NF1: variants seen among roughly 807,000 people sequenced by gnomAD.
NF1 encodes the protein neurofibromin 1.
In NF1, 122 loss-of-function variants were observed where a neutral mutation model predicts 325.7. That is an observed-to-expected ratio of 0.37 (90% confidence interval 0.32 to 0.44). The LOEUF is 0.44. Ranked by LOEUF, NF1 falls within the 20% of genes least tolerant of loss-of-function variation. The pLI, the probability that NF1 is intolerant of heterozygous loss-of-function variation, is 1.00. For missense variants in NF1, 2,140 were observed against 3,415.4 expected (o/e 0.63, Z 9.31); for synonymous variants, 1,091 against 1,186.0 (o/e 0.92, Z 1.65).
intron 8 of NF1, among the ~76,000 whole-genome samples, chr17:31,183,755 A>G (rs1263211741): frequency 6.6e-6 from 1 of 152,240 alleles, no homozygotes; most frequent in Non-Finnish European, 1.5e-5. Flanking sequence ...AGCTGCCAGC[A>G]TGGCTGGAGT....
At position 31,336,649 on chromosome 17, in the gene NF1, G is replaced by A. The variant is rs876660651; in HGVS notation, c.6162G>A (p.Met2054Ile). 6.2e-7 allele frequency: 1 copy of A among 1,611,244 alleles called. No homozygotes were observed. The highest frequency in any genetic ancestry group is 8.5e-7 in the Non-Finnish European group (1 of 1,179,224). The change falls in exon 42 of 58, where the codon ATG (methionine) becomes ATA (isoleucine). Residue 2054 changes from methionine (M) to isoleucine (I), a missense_variant. By Grantham distance (10) the Met-to-Ile change is conservative. Coordinates refer to ENST00000358273, the MANE Select transcript of NF1 (RefSeq NM_001042492.3). The surrounding 1 kb of genome is among the most constrained non-coding windows in gnomAD (Gnocchi z 5.5). ...KLVSSKVIGR[M>I]CKIIDKTCLS... is the part of the protein sequence containing the mutation. ...CTTCTTTACAGGTTATTGGAAGGATGTGCAAAATAATTGACAAGACATGCT... is the reference window on the plus strand; with the variant it reads ...CTTCTTTACAGGTTATTGGAAGGATATGCAAAATAATTGACAAGACATGCT...
chr17:31,163,404 C>G (rs140312947), intron 4 of NF1, 28 bp downstream of exon 4: 1 of 1,598,822 alleles, frequency 6.3e-7, no homozygotes, highest in Non-Finnish European at 8.6e-7. Flanking sequence ...CATGGGACTA[C>G]TGAAGTAATA....
In NF1 at chr17:31,358,497, C is replaced by G. The variant is rs786202579; in HGVS notation, c.7988C>G (p.Ser2663Cys). ...TCTTTTAGGCATAATTTGTTGGACT[C>G]TAAGATCAACACCCTGTTATCATTG... Reference protein sequence around the residue: ...VFPVVHNLLDSKINTLLSLCQ... With the variant: ...VFPVVHNLLDCKINTLLSLCQ... The change falls in exon 55 of 58, where the codon TCT (serine) becomes TGT (cysteine). Residue 2663 changes from serine (S) to cysteine (C), a missense_variant. Transcript: ENST00000358273. 1 of 1,613,744 alleles carries G rather than the reference C, an allele frequency of 6.2e-7. No individual in the cohort carries two copies. Among genetic ancestry groups the G allele is most frequent in the African/African-American group, 1.3e-5 (1 of 74,954 alleles).
intron 14 of NF1, among the ~76,000 whole-genome samples, 166 bp from the exon 15 acceptor site, chr17:31,221,684 T>TTG (rs2066923248): frequency 6.6e-6 from 1 of 152,166 alleles, no homozygotes; most frequent in Non-Finnish European, 1.5e-5. Flanking sequence ...CCCTAGAGGT[T>TTG]TGTGTTCACC....
chr17:31,224,164 A>C (rs2144020948), intron 16 of NF1, among the ~76,000 whole-genome samples: 2 of 152,316 alleles, frequency 1.3e-5, no homozygotes, highest in South Asian at 4.1e-4. Flanking sequence ...CCTCTTGAAA[A>C]TATCAGGAGA....
At chr17:31,098,691 T>C (rs1284243791) in intron 1 of NF1, among the ~76,000 whole-genome samples, 2 of 151,722 alleles carry the variant, frequency 1.3e-5, no homozygotes, top group Non-Finnish European at 2.9e-5. Flanking sequence ...CCCAGCACTT[T>C]GGGAGGCCGA....
At chr17:31,351,653 T>C (rs1804631688) in intron 50 of NF1, among the ~76,000 whole-genome samples, 1 of 152,168 alleles carries the variant, frequency 6.6e-6, no homozygotes, top group African/African-American at 2.4e-5. Context: ...TGACCTCAGG[T>C]GATCCGCCTG....
chr17:31,320,332 G>C, intron 36 of NF1: 1 of 1,462,346 alleles, frequency 6.8e-7, no homozygotes, highest in South Asian at 1.3e-5. Flanking sequence ...GTACTTAGGA[G>C]TCCTTTTATT....
chr17:31,189,865 G>A (rs1334822975), intron 8 of NF1, among the ~76,000 whole-genome samples: 4 of 149,460 alleles, frequency 2.7e-5, no homozygotes, highest in Admixed American at 6.7e-5. Flanking sequence ...GGGTTCAAGC[G>A]ATTCTCCTGC....
chr17:31,257,630 A>G (rs1266192376), intron 31 of NF1: 1 of 152,186 alleles, frequency 6.6e-6, no homozygotes, highest in African/African-American at 2.4e-5. Context: ...TGACAGAATT[A>G]TAAATTGAGG....
At chr17:31,312,376 T>G (rs2068899462) in intron 36 of NF1, among the ~76,000 whole-genome samples, 1 of 152,016 alleles carries the variant, frequency 6.6e-6, no homozygotes, top group South Asian at 2.1e-4. Context: ...CCAGGCGTGG[T>G]GGTGGGTGCC....
intron 36 of NF1, chr17:31,271,874 ACT>A (rs1300156653): frequency 4.7e-5 from 7 of 147,434 alleles, no homozygotes; most frequent in African/African-American, 1.8e-4. Flanking sequence ...TCGCTCTCTC[ACT>A]CTCATGTGTG....
intron 1 of NF1, 106 bp downstream of exon 1, chr17:31,095,475 T>C (rs1911581762): frequency 1.0e-6 from 1 of 993,646 alleles, no homozygotes; most frequent in Non-Finnish European, 1.4e-6. Flanking sequence ...CCTCAGGCTC[T>C]GGAGGAAAGG....
chr17:31,111,979 A>G (rs1250696022), intron 1 of NF1, among the ~76,000 whole-genome samples: 1 of 152,186 alleles, frequency 6.6e-6, no homozygotes. Flanking sequence ...TAAACTGCAC[A>G]TATTTAAAAT....
chr17:31,295,774 T>A, intron 36 of NF1: 1 of 1,614,210 alleles, frequency 6.2e-7, no homozygotes, highest in Non-Finnish European at 8.5e-7. Flanking sequence ...GGTTTATTAA[T>A]GTACCTGGAA....
chr17:31,264,359 C>T (rs563542671), intron 35 of NF1, among the ~76,000 whole-genome samples: 14 of 150,266 alleles, frequency 9.3e-5, no homozygotes, highest in Non-Finnish European at 1.6e-4. Context: ...TGCAGTGAGC[C>T]GAGATCGTGC....
intron 12 of NF1, among the ~76,000 whole-genome samples, chr17:31,206,963 T>A (rs1028306104): frequency 6.6e-6 from 1 of 152,216 alleles, no homozygotes; most frequent in African/African-American, 2.4e-5. Flanking sequence ...ATTATTACTC[T>A]TAATATGGAA....
rs2143778546 is a variant in NF1 at position 31,181,783 on chromosome 17, C to A, written c.728C>A (p.Ala243Asp). The change falls in exon 7 of 58, where the codon GCT (alanine) becomes GAT (aspartate). Residue 243 changes from alanine (A) to aspartate (D), a missense_variant and splice_region_variant. Physicochemically the swap from Ala to Asp is moderately radical, Grantham distance 126. Transcript: ENST00000358273. ...KLYQIPQTDM[A>D]ECAEKLFDLV... ...TACCAGATCCCACAGACTGATATGGCTGGTAAGGATACGATTGATTTTTTT... is the reference window on the plus strand; with the variant it reads ...TACCAGATCCCACAGACTGATATGGATGGTAAGGATACGATTGATTTTTTT... The A allele has an allele frequency of 1.3e-6, 2 of 1,592,700 alleles. No individual in the cohort carries two copies.
At chr17:31,192,834 A>G (rs1446558621) in intron 8 of NF1, among the ~76,000 whole-genome samples, 1 of 152,006 alleles carries the variant, frequency 6.6e-6, no homozygotes, top group East Asian at 1.9e-4. Flanking sequence ...GTCAAATAAA[A>G]CCCATCTGAT....
Sources: gnomAD v4.1 joint callset for allele counts (sites outside exome capture counted in the v4.1 genomes callset) on GRCh38, gnomAD v4.1.1 for gene constraint, Gnocchi (gnomAD v3.1) non-coding constraint, MANE v1.5 for transcripts, NCBI Gene and HGNC (gene_info 2026-07-23, HGNC 2026-07-21) for gene names.